The following ESPN variants were observed in gnomAD, a reference collection of about 807,000 sequenced individuals.
The protein encoded by ESPN is espin.
A neutral mutation model predicts 77.7 loss-of-function variants in ESPN; 68 were observed. The observed-to-expected ratio is 0.87, with a 90% CI of 0.72 to 1.07. The LOEUF is 1.07. ESPN is among the 50% of genes least tolerant of loss of function. ESPN has a pLI of 0.00. For synonymous variants in ESPN, 449 were observed against 567.1 expected, an observed-to-expected ratio of 0.79 and a Z score of 2.96; for missense variants, 1,060 against 1,239.0, an observed-to-expected ratio of 0.86 and a Z score of 2.17.
At chr1:6,454,572 C>T in intron 10 of ESPN, 1 of 399,008 alleles carries the variant, frequency 2.5e-6, no homozygotes, top group Non-Finnish European at 4.4e-6. Flanking sequence ...CGAGAACCTG[C>T]AGGTGCTGCA....
chr1:6,429,324 A>T (rs1643156346), intron 2 of ESPN, among the ~76,000 whole-genome samples: 1 of 152,078 alleles, frequency 6.6e-6, no homozygotes, highest in Non-Finnish European at 1.5e-5. Context: ...TTTGGTATGA[A>T]TTCACTGCTT....
chr1:6,459,862 C>T, intron 12 of ESPN, 137 bp from the exon 13 acceptor site: 1 of 1,028,500 alleles, frequency 9.7e-7, no homozygotes, highest in Non-Finnish European at 1.5e-6. Flanking sequence ...TCTTCAGCAA[C>T]CGAGCCCCAG....
intron 5 of ESPN, among the ~76,000 whole-genome samples, 152 bp from the exon 6 acceptor site, chr1:6,444,327 TGA>T (rs1171757834): frequency 6.6e-6 from 1 of 152,210 alleles, no homozygotes; most frequent in East Asian, 1.9e-4. Flanking sequence ...TGGAGGAACC[TGA>T]GAGACCGTCT....
At position 6,427,711 on chromosome 1, in the gene ESPN, C is replaced by T. The variant is rs1195855326; in HGVS notation, c.295-515C>T. Among the ~76,000 whole-genome samples, 1 of 152,232 alleles carries T rather than the reference C, an allele frequency of 6.6e-6. No homozygotes were observed. Among genetic ancestry groups the T allele is most frequent in the African/African-American group, 2.4e-5 (1 of 41,462 alleles). Reference sequence around the variant, plus strand: ...GTACCAAGGTGGAGGTCTCTGTTCCCACGTGACACCGAGGAAGGGTGGAGA... The same window carrying T: ...GTACCAAGGTGGAGGTCTCTGTTCCTACGTGACACCGAGGAAGGGTGGAGA... On this transcript the variant is annotated intron_variant, in intron 1 of 12. Coordinates refer to ENST00000645284, the MANE Select transcript of ESPN (RefSeq NM_031475.3). This position sits in a 1 kb window ranked among gnomAD's most constrained non-coding sequence, Gnocchi z 4.6.
chr1:6,452,306 A>G (rs1268877174), intron 10 of ESPN, among the ~76,000 whole-genome samples: 3 of 151,516 alleles, frequency 2.0e-5, no homozygotes, highest in Admixed American at 6.6e-5. Context: ...CCAGGTTCAA[A>G]TGATTCTCCT....
At chr1:6,440,603 C>CCCAAG in intron 3 of ESPN, 23 bp from the exon 4 acceptor site, 12 of 1,261,240 alleles carry the variant, frequency 9.5e-6, no homozygotes, top group East Asian at 2.9e-5. Flanking sequence ...CCCCGCCCCC[C>CCCAAG]TCTCCCCGCC....
chr1:6,444,514 TC>T lies in ESPN; in HGVS notation c.1026del (p.Ala343GlnfsTer24). 2 of 1,614,188 alleles carry T rather than the reference TC, an allele frequency of 1.2e-6. No homozygotes were observed. The highest frequency in any genetic ancestry group is 1.7e-6 in the Non-Finnish European group (2 of 1,180,022). On this transcript the variant is annotated frameshift_variant, in exon 6 of 13. Transcript: ENST00000645284. LOFTEE classifies it high-confidence loss of function. ...GCACCGCGTGCTTTCCCGGGATCCA[TC>T]CGCAGAGCTGGAGGCTAAGCAGCCG... Reference protein sequence around the residue: ...VEHRVLSRDPSAELEAKQPDS... With the variant: ...VEHRVLSRDPXAELEAKQPDS...
intron 10 of ESPN, among the ~76,000 whole-genome samples, chr1:6,452,419 G>T (rs1643965935): frequency 1.3e-5 from 2 of 152,022 alleles, no homozygotes; most frequent in African/African-American, 2.4e-5. Flanking sequence ...GTTGGCCAGA[G>T]CTGGGATTAC....
In ESPN at chr1:6,451,501, C is replaced by T; in HGVS notation, c.1916-102C>T. On this transcript the variant is annotated intron_variant, in intron 8 of 12. Transcript: ENST00000645284. This position sits in a 1 kb window ranked among gnomAD's most constrained non-coding sequence, Gnocchi z 4.3. The stretch of plus-strand genomic sequence containing the variant: ...CCCGCTGGCCCGGAGGATGGGCACC[C>T]ATCCAATCTTGGCTTAGGAAAGGGG... 2 of 1,492,148 alleles carry T rather than the reference C, an allele frequency of 1.3e-6. No individual in the cohort carries two copies. The highest frequency in any genetic ancestry group is 3.9e-5 in the Admixed American group (2 of 51,900). The allele number at this position is 1,492,148 out of a possible 1,614,324, so 92.4% of individuals were successfully genotyped here. A position where few individuals can be genotyped will look rare whatever the true frequency, so the allele number is the denominator to read the frequency against.
In ESPN at chr1:6,460,670, C is replaced by T. The variant is rs1644145827; in HGVS notation, c.*524C>T. ...CTTATCCCCGCCAAGGGTTTCCTCT[C>T]AGTCATTTGTTTACCAGAAACATGA... On this transcript the variant is annotated 3_prime_UTR_variant, in exon 13 of 13. Transcript: ENST00000645284. The T allele has an allele frequency of 6.0e-6, 1 of 166,606 alleles. No homozygotes were observed. The highest frequency in any genetic ancestry group is 2.4e-5 in the African/African-American group (1 of 41,566). 10.3% of individuals were successfully genotyped at this position (166,606 alleles called of 1,614,324 possible). A position where few individuals can be genotyped will look rare whatever the true frequency, so the allele number is the denominator to read the frequency against.
chr1:6,445,682 C>A lies in ESPN; in HGVS notation c.1211C>A (p.Ala404Asp), dbSNP rs1443783059. 1 of 1,612,682 alleles carries A rather than the reference C, an allele frequency of 6.2e-7. No homozygotes were observed. Among genetic ancestry groups the A allele is most frequent in the African/African-American group, 1.3e-5 (1 of 75,022 alleles). Reference protein sequence around the residue: ...HPPCGLSSARAADIQSYMDML... With the variant: ...HPPCGLSSARDADIQSYMDML... Reference sequence around the variant, plus strand: ...TCCCCAGGGCTTTCCAGCGCTAGAGCTGCAGACATACAGAGCTACATGGAC... The same window carrying A: ...TCCCCAGGGCTTTCCAGCGCTAGAGATGCAGACATACAGAGCTACATGGAC... Residue 404 changes from alanine (A) to aspartate (D), a missense_variant, in exon 7 of 13, where the codon GCT (alanine) becomes GAT (aspartate). By Grantham distance (126) the Ala-to-Asp change is moderately radical (BLOSUM62 -2). This residue lies in a region of ESPN where 556 missense variants were observed against 633.6 expected (regional missense o/e 0.88). Transcript: ENST00000645284.
At position 6,440,606 on chromosome 1, in the gene ESPN, T is replaced by TGCCCCCCCCCCCCCC; in HGVS notation, c.676-20_676-19insGCCCCCCCCCCCCCC. The TGCCCCCCCCCCCCCC allele has an allele frequency of 9.2e-6, 8 of 870,480 alleles. No individual in the cohort carries two copies. Among genetic ancestry groups the TGCCCCCCCCCCCCCC allele is most frequent in the South Asian group, 2.9e-5 (2 of 68,272 alleles). 53.9% of individuals were successfully genotyped at this position (870,480 alleles called of 1,614,324 possible). A position where few individuals can be genotyped will look rare whatever the true frequency, so the allele number is the denominator to read the frequency against. ...CTGGCGCCCAGCCCCCGCCCCCCTCTCCCCGCCCGTCCCGCCCAGGTGAGC... is the reference window on the plus strand; with the variant it reads ...CTGGCGCCCAGCCCCCGCCCCCCTCTGCCCCCCCCCCCCCCCCCCGCCCGTCCCGCCCAGGTGAGC... On this transcript the variant is annotated intron_variant, in intron 3 of 12. Coordinates refer to ENST00000645284, the MANE Select transcript of ESPN (RefSeq NM_031475.3).
chr1:6,454,792 C>G, intron 10 of ESPN: 1 of 397,748 alleles, frequency 2.5e-6, no homozygotes, highest in East Asian at 3.6e-5. Context: ...GGCGGCCGGC[C>G]TGCGCACCTG....
chr1:6,445,241 A>C (rs1056018020), intron 6 of ESPN, among the ~76,000 whole-genome samples: 1 of 152,232 alleles, frequency 6.6e-6, no homozygotes. Context: ...TTGTGTGTAC[A>C]CACACCCTGA....
At position 6,445,667 on chromosome 1, in the gene ESPN, T is replaced by C. The variant is rs1643802028; in HGVS notation, c.1196T>C (p.Leu399Pro). ...GCCCTTCCTTCTGCCTCCCCAGGGC[T>C]TTCCAGCGCTAGAGCTGCAGACATA... is the stretch of plus-strand genomic sequence containing the variant. ...SIKGQHPPCG[L>P]SSARAADIQS... is the part of the protein sequence containing the mutation. The change falls in exon 7 of 13, where the codon CTT (leucine) becomes CCT (proline). Residue 399 changes from leucine (L) to proline (P), a missense_variant. This residue lies in a region of ESPN where 556 missense variants were observed against 633.6 expected (regional missense o/e 0.88). Transcript: ENST00000645284. The C allele has an allele frequency of 6.2e-7, 1 of 1,612,234 alleles. No individual in the cohort carries two copies. The highest frequency in any genetic ancestry group is 8.5e-7 in the Non-Finnish European group (1 of 1,179,774).
chr1:6,431,257 T>A (rs1643234583), intron 2 of ESPN, among the ~76,000 whole-genome samples: 2 of 152,142 alleles, frequency 1.3e-5, no homozygotes, highest in Admixed American at 6.5e-5. Context: ...CTTCAGCAGG[T>A]GCCTCCTTCC....
Position 6,450,947 on chromosome 1 carries a change from C to T in ESPN, c.1916-656C>T, listed in dbSNP as rs529749452. Among the ~76,000 whole-genome samples the T allele has an allele frequency of 2.2e-3, 334 of 152,352 alleles. No individual in the cohort carries two copies. The highest frequency in any genetic ancestry group is 3.7e-3 in the Non-Finnish European group (252 of 68,028). ...GGTGTTTCCATATTATCCGCCTGCCCTTCCTCCTGGGTGCCTCCCGTAGCC... is the reference window on the plus strand; with the variant it reads ...GGTGTTTCCATATTATCCGCCTGCCTTTCCTCCTGGGTGCCTCCCGTAGCC... On this transcript the variant is annotated intron_variant, in intron 8 of 12. Coordinates refer to ENST00000645284, the MANE Select transcript of ESPN (RefSeq NM_031475.3). The surrounding 1 kb of genome is among the most constrained non-coding windows in gnomAD (Gnocchi z 4.3).
rs567148047 is a variant in ESPN at position 6,448,000 on chromosome 1, C to CT, written c.1465-641_1465-640insT. The CT allele has an allele frequency of 1.3e-5, 2 of 152,282 alleles. No individual in the cohort carries two copies. Among genetic ancestry groups the CT allele is most frequent in the African/African-American group, 4.8e-5 (2 of 41,540 alleles). The allele number at this position is 152,282 out of a possible 1,614,324, so 9.4% of individuals were successfully genotyped here. ...CGGGTGATGTCAGGCCGTCGGAGCC[C>CT]ATAGGCTGGCTGTGCGCGGGTGGCT... On this transcript the variant is annotated intron_variant, in intron 7 of 12. Coordinates refer to ENST00000645284, the MANE Select transcript of ESPN (RefSeq NM_031475.3). This position sits in a 1 kb window ranked among gnomAD's most constrained non-coding sequence, Gnocchi z 5.2.
Position 6,451,997 on chromosome 1 carries a change from G to C in ESPN, c.2226G>C (p.Thr742=), listed in dbSNP as rs778712667. ...VQLDVEALIP[T]HDEQGRPIPE... The stretch of plus-strand genomic sequence containing the variant: ...TGGACGTGGAGGCTCTCATCCCCAC[G>C]CACGATGAGCAGGGCCGGCCCATCC... Residue 742 remains threonine (T), a synonymous_variant, in exon 10 of 13, where the codon ACG becomes ACC. Coordinates refer to ENST00000645284, the MANE Select transcript of ESPN (RefSeq NM_031475.3). This position sits in a 1 kb window ranked among gnomAD's most constrained non-coding sequence, Gnocchi z 4.3. 2 of 1,606,064 alleles carry C rather than the reference G, an allele frequency of 1.2e-6. No homozygotes were observed. The highest frequency in any genetic ancestry group is 1.7e-6 in the Non-Finnish European group (2 of 1,176,272).
Sources: allele counts gnomAD v4.1 joint callset (sites outside exome capture counted in the v4.1 genomes callset), GRCh38; gene constraint gnomAD v4.1.1; regional missense constraint gnomAD v4.1.1; non-coding constraint Gnocchi (gnomAD v3.1); transcripts MANE v1.5; gene names NCBI Gene and HGNC (gene_info 2026-07-23, HGNC 2026-07-21).